Variants in FSCN3 observed in about 807,000 individuals in gnomAD.
FSCN3 encodes the protein fascin-3.
In FSCN3, 43 loss-of-function variants were observed where a neutral mutation model predicts 53.5. The ratio of observed to expected loss-of-function variants is 0.80; its 90% CI spans 0.63 to 1.04. The LOEUF (loss-of-function observed/expected upper bound fraction) is 1.04. Among genes scored for constraint, FSCN3 ranks in the 50% least tolerant of loss-of-function variants. FSCN3 has a pLI of 0.00. For synonymous variants in FSCN3, 235 were observed against 246.6 expected (o/e 0.95, Z 0.44); for missense variants, 594 against 646.5 (o/e 0.92, Z 0.88).
chr7:127,595,269 G>A (rs779337876), intron 1 of FSCN3, 38 bp from the exon 2 acceptor site: 161 of 1,562,190 alleles, frequency 1.0e-4, no homozygotes, highest in Non-Finnish European at 1.4e-4. Flanking sequence ...GTAACTTCGT[G>A]ATACTGATTT....
intron 1 of FSCN3, 47 bp downstream of exon 1, chr7:127,594,044 CTGTG>C (rs139357091): frequency 1.2e-4 from 190 of 1,538,464 alleles, no homozygotes; most frequent in East Asian, 1.8e-4. Flanking sequence ...AGTGGCCAAG[CTGTG>C]TGTGTGTGTG....
At position 127,599,446 on chromosome 7, in the gene FSCN3, G is replaced by A; in HGVS notation, c.1186G>A (p.Gly396Ser). 2 of 1,614,058 alleles carry A rather than the reference G, an allele frequency of 1.2e-6. No homozygotes were observed. The highest frequency in any genetic ancestry group is 1.7e-6 in the Non-Finnish European group (2 of 1,179,938). Residue 396 changes from glycine (G) to serine (S), a missense_variant, in exon 5 of 7, where the codon GGC becomes AGC. By Grantham distance (56) the Gly-to-Ser change is moderately conservative. Coordinates refer to ENST00000265825, the MANE Select transcript of FSCN3 (RefSeq NM_020369.3). ...CTTCCTTGTATTGCGAGGTCGTTAT[G>A]GCTATGTGGGCTCCTCATCGGGCCA... ...RSFLVLRGRY[G>S]YVGSSSGHDL...
chr7:127,600,001 A>G lies in FSCN3; in HGVS notation c.1292-193A>G, dbSNP rs370328589. Reference sequence around the variant, plus strand: ...TGTTGTTTTCACACTTCAAAGCCCCAGGGTGGGTTGGCAGAACAGAAAACA... The same window carrying G: ...TGTTGTTTTCACACTTCAAAGCCCCGGGGTGGGTTGGCAGAACAGAAAACA... On this transcript the variant is annotated intron_variant, in intron 5 of 6. Transcript: ENST00000265825. Among the ~76,000 whole-genome samples the G allele has an allele frequency of 4.6e-5, 7 of 151,716 alleles. No individual in the cohort carries two copies. In the East Asian group the frequency reaches 1.2e-3, roughly 25 times the overall value.
At chr7:127,597,420 T>C (rs1220907607) in intron 3 of FSCN3, among the ~76,000 whole-genome samples, 2 of 152,194 alleles carry the variant, frequency 1.3e-5, no homozygotes, top group East Asian at 1.9e-4. Flanking sequence ...TTAGCCACTC[T>C]AGTGGGTGTG....
At position 127,596,380 on chromosome 7, in the gene FSCN3, G is replaced by A; in HGVS notation, c.894G>A (p.Gln298=). The part of the protein sequence containing the change: ...SERLNRMSLF[Q]FECDSESPTV... ...GCTTAAACCGAATGTCCTTGTTCCA[G>A]TTTGAATGTGACAGTGAGAGCCCCA... The change falls in exon 3 of 7, where the codon CAG becomes CAA. Residue 298 remains glutamine, a synonymous_variant. Transcript: ENST00000265825. 1 of 1,613,300 alleles carries A rather than the reference G, an allele frequency of 6.2e-7. No individual in the cohort carries two copies. The highest frequency in any genetic ancestry group is 8.5e-7 in the Non-Finnish European group (1 of 1,179,248).
Position 127,595,895 on chromosome 7 carries a change from G to A in FSCN3, c.733G>A (p.Gly245Ser), listed in dbSNP as rs1287478570. ...TCCACAGGGCACGCATCTGCTCTTGGGCATGGGCTGCAACCCCATGAGGGG... is the reference window on the plus strand; with the variant it reads ...TCCACAGGGCACGCATCTGCTCTTGAGCATGGGCTGCAACCCCATGAGGGG... ...LYPQGTHLLL[G>S]MGCNPMRGEE... Residue 245 changes from glycine (G) to serine (S), a missense_variant, in exon 2 of 7, where the codon GGC becomes AGC. Gly to Ser is a moderately conservative substitution (Grantham distance 56). Transcript: ENST00000265825. The A allele has an allele frequency of 6.2e-7, 1 of 1,613,254 alleles. No individual in the cohort carries two copies. The highest frequency in any genetic ancestry group is 1.1e-5 in the South Asian group (1 of 90,902).
intron 2 of FSCN3, 51 bp downstream of exon 2, chr7:127,596,054 A>C (rs543035516): frequency 1.3e-6 from 2 of 1,507,518 alleles, no homozygotes; most frequent in African/African-American, 2.8e-5. Flanking sequence ...GGCTGTTAAA[A>C]AGAGGAAAAT....
At chr7:127,600,954 C>T (rs939072732) in intron 6 of FSCN3, among the ~76,000 whole-genome samples, 4 of 152,152 alleles carry the variant, frequency 2.6e-5, no homozygotes, top group African/African-American at 4.8e-5. Context: ...CTGATATCAG[C>T]CTGCTCATCT....
intron 3 of FSCN3, among the ~76,000 whole-genome samples, chr7:127,598,024 T>C (rs1794417390): frequency 6.6e-6 from 1 of 152,230 alleles, no homozygotes; most frequent in Non-Finnish European, 1.5e-5. Flanking sequence ...AGTTTATCAA[T>C]TTTTTTAAAT....
intron 5 of FSCN3, 26 bp from the exon 6 acceptor site, chr7:127,600,168 A>C (rs898955706): frequency 4.3e-6 from 6 of 1,385,550 alleles, no homozygotes; most frequent in Non-Finnish European, 6.2e-6. Flanking sequence ...TGAATGGCCC[A>C]CCAACCTGAG....
At position 127,598,607 on chromosome 7, in the gene FSCN3, G is replaced by A. The variant is rs1794426030; in HGVS notation, c.1120+13G>A. On this transcript the variant is annotated intron_variant, in intron 4 of 6. Coordinates refer to ENST00000265825, the MANE Select transcript of FSCN3 (RefSeq NM_020369.3). ...GTCATCCTTCCAGGTGAGTGGAGCAGCCTTCCTGCCAGATGATTCCAAGTC... is the reference window on the plus strand; with the variant it reads ...GTCATCCTTCCAGGTGAGTGGAGCAACCTTCCTGCCAGATGATTCCAAGTC... 1 of 1,584,546 alleles carries A rather than the reference G, an allele frequency of 6.3e-7. No homozygotes were observed. Among genetic ancestry groups the A allele is most frequent in the African/African-American group, 1.4e-5 (1 of 74,008 alleles).
Position 127,600,405 on chromosome 7 carries a change from G to T in FSCN3, c.*6G>T. 1.3e-6 allele frequency: 2 copies of T among 1,553,858 alleles called. No homozygotes were observed. Among genetic ancestry groups the T allele is most frequent in the Non-Finnish European group, 1.8e-6 (2 of 1,125,176 alleles). Reference sequence around the variant, plus strand: ...AGTGTATCTGGGAATTTTAGGTAAGGGAGAGGAACAGGTAAGGGGCTAGGG... The same window carrying T: ...AGTGTATCTGGGAATTTTAGGTAAGTGAGAGGAACAGGTAAGGGGCTAGGG... On this transcript the variant is annotated splice_donor_region_variant and intron_variant, in intron 6 of 6. Transcript: ENST00000265825.
rs768904777 is a variant in FSCN3 at position 127,600,328 on chromosome 7, C to T, written c.1426C>T (p.Arg476Ter). Residue 476 changes from arginine to a stop codon, truncating the protein, a stop_gained, in exon 6 of 7, where the codon CGA (arginine) becomes TGA (stop). Coordinates refer to ENST00000265825, the MANE Select transcript of FSCN3 (RefSeq NM_020369.3). LOFTEE classifies it high-confidence loss of function. ...ACTGGCCCCCAATGGCTTCTACATG[C>T]GAGCCGACCAAAGTGGCACCCTGTT... Reference protein sequence around the residue: ...TVLAPNGFYMRADQSGTLLAD... With the variant: ...TVLAPNGFYM 1.6e-5 allele frequency: 25 copies of T among 1,612,754 alleles called. No homozygotes were observed. The highest frequency in any genetic ancestry group is 2.2e-5 in the East Asian group (1 of 44,886).
At chr7:127,598,395 A>G (rs1207531727) in intron 3 of FSCN3, 40 bp from the exon 4 acceptor site, 1 of 1,586,532 alleles carries the variant, frequency 6.3e-7, no homozygotes, top group Non-Finnish European at 8.6e-7. Flanking sequence ...TGAGATTGTC[A>G]GTCCTTACTC....
In FSCN3 at chr7:127,596,354, C is replaced by T. The variant is rs755444623; in HGVS notation, c.868C>T (p.Arg290Cys). 7 of 1,612,302 alleles carry T rather than the reference C, an allele frequency of 4.3e-6. No individual in the cohort carries two copies. The highest frequency in any genetic ancestry group is 3.3e-5 in the South Asian group (3 of 91,032). ...YDGEVRAASE[R>C]LNRMSLFQFE... ...TGGTGAGGTGCGTGCTGCTTCTGAG[C>T]GCTTAAACCGAATGTCCTTGTTCCA... The change falls in exon 3 of 7, where the codon CGC becomes TGC. Residue 290 changes from arginine (R) to cysteine (C), a missense_variant. Physicochemically the swap from Arg to Cys is radical, Grantham distance 180. Transcript: ENST00000265825.
Position 127,601,731 on chromosome 7 carries a change from CT to C in FSCN3, c.*113del, listed in dbSNP as rs916367699. 6.6e-6 allele frequency: 1 copy of C among 152,228 alleles called. No individual in the cohort carries two copies. The highest frequency in any genetic ancestry group is 2.4e-5 in the African/African-American group (1 of 41,450). The allele number at this position is 152,228 out of a possible 1,614,324, so 9.4% of individuals were successfully genotyped here. On this transcript the variant is annotated 3_prime_UTR_variant, in exon 7 of 7. Transcript: ENST00000265825. ...TCCAAGAGAAGAACATCTGTTACAA[CT>C]TTTCCTACCCAGTTTAGCAAAACAC...
intron 1 of FSCN3, chr7:127,594,784 A>T (rs963983689): frequency 2.3e-5 from 11 of 471,400 alleles, no homozygotes; most frequent in African/African-American, 1.8e-4. Flanking sequence ...AACAAGGTTG[A>T]TCACAGCTGA....
At chr7:127,599,085 A>G (rs910339891) in intron 4 of FSCN3, among the ~76,000 whole-genome samples, 8 of 152,200 alleles carry the variant, frequency 5.3e-5, no homozygotes, top group African/African-American at 1.9e-4. Context: ...TCGTCTATAA[A>G]AATGAACATT....
chr7:127,595,624 C>T lies in FSCN3; in HGVS notation c.462C>T (p.Arg154=). 1 of 1,614,106 alleles carries T rather than the reference C, an allele frequency of 6.2e-7. No individual in the cohort carries two copies. The highest frequency in any genetic ancestry group is 8.5e-7 in the Non-Finnish European group (1 of 1,179,940). Reference sequence around the variant, plus strand: ...TGATCCTCTACAGCCCCATCCACCGCTGCTATGCCCGGGCTGACCCCACTA... The same window carrying T: ...TGATCCTCTACAGCCCCATCCACCGTTGCTATGCCCGGGCTGACCCCACTA... The part of the protein sequence containing the change: ...VHVILYSPIH[R]CYARADPTMG... Residue 154 remains arginine (R), a synonymous_variant, in exon 2 of 7, where the codon CGC becomes CGT. Coordinates refer to ENST00000265825, the MANE Select transcript of FSCN3 (RefSeq NM_020369.3).
Sources: gnomAD v4.1 joint callset for allele counts (sites outside exome capture counted in the v4.1 genomes callset) on GRCh38, gnomAD v4.1.1 for gene constraint, MANE v1.5 for transcripts, NCBI Gene and HGNC (gene_info 2026-07-23, HGNC 2026-07-21) for gene names.